Variants in CLTCL1 observed in about 807,000 individuals in gnomAD.
CLTCL1 encodes clathrin heavy chain 2.
A neutral mutation model predicts 190.0 loss-of-function variants in CLTCL1; 159 were observed. The observed-to-expected ratio is 0.84, with a 90% confidence interval of 0.74 to 0.95. The LOEUF is 0.95. CLTCL1 is among the 40% of genes least tolerant of loss of function. The pLI is 0.00. For synonymous variants in CLTCL1, 752 were observed against 769.6 expected, an observed-to-expected ratio of 0.98 and a Z score of 0.38; for missense variants, 1,878 against 2,033.4, an observed-to-expected ratio of 0.92 and a Z score of 1.47.
At chr22:19,196,681 G>A (rs782214913) in intron 24 of CLTCL1, 25 bp from the exon 25 acceptor site, 50 of 1,599,282 alleles carry the variant, frequency 3.1e-5, no homozygotes, top group Non-Finnish European at 4.3e-5. Context: ...GCCACGCGTG[G>A]GGCAGAGTGA....
intron 29 of CLTCL1, among the ~76,000 whole-genome samples, chr22:19,185,952 C>T (rs1410908134): frequency 3.3e-5 from 5 of 152,354 alleles, no homozygotes; most frequent in African/African-American, 1.2e-4. Flanking sequence ...TCCATTCCCT[C>T]TGCAGGGGCC....
chr22:19,201,388 C>T lies in CLTCL1; in HGVS notation c.3706G>A (p.Glu1236Lys), dbSNP rs1569162402. ...RLASTLVHLGEYQAAVDNSRK... is the reference protein window; with the variant it reads ...RLASTLVHLGKYQAAVDNSRK... ...CTGTTGTCCACTGCTGCCTGATACT[C>T]ACCGAGGTGAACCAAGGTGGAAGCC... The change falls in exon 23 of 33, where the codon GAG becomes AAG. Residue 1236 changes from glutamate (E) to lysine (K), a missense_variant. By Grantham distance (56) the Glu-to-Lys change is moderately conservative. Coordinates refer to ENST00000427926, the MANE Select transcript of CLTCL1 (RefSeq NM_007098.4). 2 of 1,613,822 alleles carry T rather than the reference C, an allele frequency of 1.2e-6. No individual in the cohort carries two copies. Among genetic ancestry groups the T allele is most frequent in the East Asian group, 2.2e-5 (1 of 44,884 alleles).
intron 10 of CLTCL1, 102 bp downstream of exon 10, chr22:19,232,374 T>A: frequency 6.6e-7 from 1 of 1,505,594 alleles, no homozygotes; most frequent in Non-Finnish European, 9.1e-7. Flanking sequence ...TAATAGCAGA[T>A]GAAGAAAAGC....
rs200864527 is a variant in CLTCL1, at chr22:19,180,818, C to G, written c.4828-12G>C. On this transcript the variant is annotated splice_polypyrimidine_tract_variant and intron_variant, in intron 30 of 32. Transcript: ENST00000427926. ...TCCAGTTTGTCCACCTGCAAGGAGG[C>G]AAAAGCACGTGAGCACCCGCTTGAC... The G allele has an allele frequency of 9.3e-6, 15 of 1,613,384 alleles. No homozygotes were observed. The highest frequency in any genetic ancestry group is 1.3e-5 in the Non-Finnish European group (15 of 1,179,604).
At chr22:19,188,242 T>C (rs1233499832) in intron 27 of CLTCL1, among the ~76,000 whole-genome samples, 151 bp from the exon 28 acceptor site, 2 of 152,176 alleles carry the variant, frequency 1.3e-5, no homozygotes, top group Non-Finnish European at 2.9e-5. Context: ...CCAAAAGACC[T>C]ACACTCACAC....
At chr22:19,184,799 C>T (rs5748029) in intron 29 of CLTCL1, 4,861 of 339,918 alleles carry the variant, frequency 0.014, 127 homozygotes, top group East Asian at 0.074. Flanking sequence ...GTCAGTGTCC[C>T]GCTCCTGCGG....
At chr22:19,221,676 A>G in intron 16 of CLTCL1, 65 bp from the exon 17 acceptor site, 4 of 1,375,606 alleles carry the variant, frequency 2.9e-6, no homozygotes, top group Non-Finnish European at 4.0e-6. Context: ...GGGCAACTCC[A>G]GGGCTCTGAC....
Position 19,238,278 on chromosome 22 carries a change from C to T in CLTCL1, c.795+997G>A, listed in dbSNP as rs535388370. ...TTAATTTTTTATATTTTAGTAGAGA[C>T]GGGGTTTCACCATGTTGCCCAGGCT... is the stretch of plus-strand genomic sequence containing the variant. On this transcript the variant is annotated intron_variant, in intron 5 of 32. Coordinates refer to ENST00000427926, the MANE Select transcript of CLTCL1 (RefSeq NM_007098.4). 3.4e-4 allele frequency among the ~76,000 whole-genome samples: 52 copies of T among 152,180 alleles called. 1 individual carries two copies. Among genetic ancestry groups the T allele is most frequent in the Middle Eastern group, 6.8e-3 (2 of 294 alleles).
chr22:19,225,787 A>G (rs2145808160), intron 12 of CLTCL1, among the ~76,000 whole-genome samples, 154 bp from the exon 13 acceptor site: 1 of 152,344 alleles, frequency 6.6e-6, no homozygotes, highest in East Asian at 1.9e-4. Context: ...CCATCACGGG[A>G]AAAAGTAGGA....
At chr22:19,184,313 T>A (rs1256632512) in intron 29 of CLTCL1, 2 of 361,726 alleles carry the variant, frequency 5.5e-6, no homozygotes, top group Admixed American at 6.7e-5. Context: ...TTGGCCATGA[T>A]CCACTGACTG....
intron 2 of CLTCL1, among the ~76,000 whole-genome samples, chr22:19,260,538 G>A (rs1483032972): frequency 6.7e-6 from 1 of 148,522 alleles, no homozygotes; most frequent in Non-Finnish European, 1.5e-5. Flanking sequence ...CACTTTGGAA[G>A]GCTGAGGCAG....
intron 23 of CLTCL1, 143 bp downstream of exon 23, chr22:19,201,186 C>A: frequency 9.9e-7 from 1 of 1,011,962 alleles, no homozygotes; most frequent in Middle Eastern, 3.3e-4. Context: ...AAACACTAGC[C>A]TAGAGACTCT....
At chr22:19,185,477 C>T (rs556337859) in intron 29 of CLTCL1, among the ~76,000 whole-genome samples, 1 of 152,304 alleles carries the variant, frequency 6.6e-6, no homozygotes, top group East Asian at 1.9e-4. Context: ...CAGGCTCCTG[C>T]CACCACGCCC....
At chr22:19,275,446 C>T (rs1345424672) in intron 2 of CLTCL1, among the ~76,000 whole-genome samples, 177 bp downstream of exon 2, 2 of 152,056 alleles carry the variant, frequency 1.3e-5, no homozygotes, top group Non-Finnish European at 2.9e-5. Flanking sequence ...AGCTCTGGTG[C>T]TCAGGGGCCT....
At position 19,223,982 on chromosome 22, in the gene CLTCL1, G is replaced by A; in HGVS notation, c.2201C>T (p.Ala734Val). ...CTTGATCTGCCCTGTCTTACAGGCA[G>A]CCTGAATGTATTTCAGATGCACATC... ...DPDVHLKYIQ[A>V]ACKTGQIKEV... Residue 734 changes from alanine to valine, a missense_variant, in exon 14 of 33, where the codon GCT (alanine) becomes GTT (valine). Coordinates refer to ENST00000427926, the MANE Select transcript of CLTCL1 (RefSeq NM_007098.4). The A allele has an allele frequency of 1.2e-6, 2 of 1,613,970 alleles. No homozygotes were observed. The highest frequency in any genetic ancestry group is 8.5e-7 in the Non-Finnish European group (1 of 1,179,888).
At chr22:19,246,571 G>A (rs546832502) in intron 3 of CLTCL1, among the ~76,000 whole-genome samples, 1 of 151,710 alleles carries the variant, frequency 6.6e-6, no homozygotes, top group African/African-American at 2.4e-5. Context: ...CTGCCTTCCA[G>A]GTTCAAGCAA....
In CLTCL1 at chr22:19,198,547, A is replaced by T. The variant is rs2084782036; in HGVS notation, c.3873+1187T>A. On this transcript the variant is annotated intron_variant, in intron 24 of 32. Transcript: ENST00000427926. This position sits in a 1 kb window ranked among gnomAD's most constrained non-coding sequence, Gnocchi z 4.1. ...TGAATACACAGCACACTTCTGCCTC[A>T]GGACTTTGCCTGGCCACTGACCCTT... Among the ~76,000 whole-genome samples, 1 of 152,154 alleles carries T rather than the reference A, an allele frequency of 6.6e-6. No homozygotes were observed. The highest frequency in any genetic ancestry group is 6.5e-5 in the Admixed American group (1 of 15,278).
At chr22:19,235,405 C>A (rs1394412304) in intron 6 of CLTCL1, among the ~76,000 whole-genome samples, 1 of 152,164 alleles carries the variant, frequency 6.6e-6, no homozygotes, top group African/African-American at 2.4e-5. Context: ...ATAGTATCTG[C>A]TTTTTCAACC....
chr22:19,276,162 A>G (rs2087497347), intron 1 of CLTCL1, among the ~76,000 whole-genome samples: 1 of 152,138 alleles, frequency 6.6e-6, no homozygotes, highest in African/African-American at 2.4e-5. Context: ...GGTGTCACAG[A>G]TAAGCCCACC....
Sources: allele counts gnomAD v4.1 joint callset (sites outside exome capture counted in the v4.1 genomes callset), GRCh38; gene constraint gnomAD v4.1.1; non-coding constraint Gnocchi (gnomAD v3.1); transcripts MANE v1.5; gene names NCBI Gene and HGNC (gene_info 2026-07-23, HGNC 2026-07-21).